The following FRMD6 variants were observed in gnomAD, a reference collection of about 807,000 sequenced individuals.
FRMD6 encodes the protein FERM domain containing 6, also known as FERM domain-containing protein 6.
In FRMD6, 37 loss-of-function variants were observed where a neutral mutation model predicts 73.2. The ratio of observed to expected loss-of-function variants is 0.51; its 90% confidence interval spans 0.39 to 0.66. FRMD6 has a LOEUF of 0.66. Among genes scored for constraint, FRMD6 ranks in the 30% least tolerant of loss-of-function variants. The pLI is 0.00. For synonymous variants in FRMD6, 273 were observed against 282.2 expected (o/e 0.97, Z 0.33); for missense variants, 714 against 780.5 (o/e 0.91, Z 1.02).
chr14:51,607,175 C>A (rs1206995282), intron 2 of FRMD6, among the ~76,000 whole-genome samples: 1 of 152,058 alleles, frequency 6.6e-6, no homozygotes, highest in Admixed American at 6.5e-5. Context: ...ATTCCTTAAC[C>A]CAGCCAAGTT....
intron 1 of FRMD6, among the ~76,000 whole-genome samples, chr14:51,555,295 T>C (rs1887065085): frequency 6.6e-6 from 1 of 152,210 alleles, no homozygotes; most frequent in African/African-American, 2.4e-5. Flanking sequence ...TTTCAAGTGA[T>C]AGCAGTTAGT....
rs1335969618 is a variant in FRMD6 at position 51,715,513 on chromosome 14, T to G, written c.1024+14T>G. 2.5e-6 allele frequency: 4 copies of G among 1,581,840 alleles called. No individual in the cohort carries two copies. Among genetic ancestry groups the G allele is most frequent in the Non-Finnish European group, 3.4e-6 (4 of 1,161,888 alleles). ...AGGAAAACGAAGGTATTGCAGGGTC[T>G]GGGGTGTGGAAGCAAATTGTACCTT... On this transcript the variant is annotated intron_variant, in intron 10 of 13. Transcript: ENST00000344768.
chr14:51,528,116 G>A (rs1289780170), intron 1 of FRMD6, among the ~76,000 whole-genome samples: 3 of 151,982 alleles, frequency 2.0e-5, no homozygotes, highest in African/African-American at 4.8e-5. Context: ...CACTCCAGCC[G>A]GGGTGACAGA....
chr14:51,678,086 C>T (rs1042306738), intron 1 of FRMD6, among the ~76,000 whole-genome samples: 91 of 152,284 alleles, frequency 6.0e-4, no homozygotes, highest in African/African-American at 2.1e-3. Context: ...ATAGTTAACA[C>T]TTATCTAGTG....
chr14:51,566,768 T>C (rs956030254), intron 1 of FRMD6, among the ~76,000 whole-genome samples: 5 of 152,238 alleles, frequency 3.3e-5, no homozygotes, highest in African/African-American at 1.2e-4. Context: ...GTTAAACTAT[T>C]TGTATGTGTT....
At chr14:51,549,837 C>T (rs1886706240) in intron 1 of FRMD6, among the ~76,000 whole-genome samples, 2 of 152,022 alleles carry the variant, frequency 1.3e-5, no homozygotes, top group South Asian at 2.1e-4. Flanking sequence ...CCTCGTGATC[C>T]GCCCGCCTCG....
chr14:51,404,995 T>C, the FRMD6 span, among the ~76,000 whole-genome samples: 8 of 152,178 alleles, frequency 5.3e-5, no homozygotes, highest in African/African-American at 1.9e-4. Flanking sequence ...TCTCATCATT[T>C]AGCTCCCACT....
chr14:51,434,049 T>G, the FRMD6 span, among the ~76,000 whole-genome samples: 8 of 152,092 alleles, frequency 5.3e-5, no homozygotes, highest in Non-Finnish European at 8.8e-5. Context: ...AAAAACATTG[T>G]GAATAATGAG....
At chr14:51,705,905 C>G (rs904461105) in intron 6 of FRMD6, among the ~76,000 whole-genome samples, 1 of 152,172 alleles carries the variant, frequency 6.6e-6, no homozygotes, top group African/African-American at 2.4e-5. Flanking sequence ...TGACACTTAA[C>G]TACTCACATC....
the FRMD6 span, among the ~76,000 whole-genome samples, chr14:51,468,313 G>C: frequency 6.9e-6 from 1 of 145,746 alleles, no homozygotes; most frequent in Non-Finnish European, 1.5e-5. Flanking sequence ...GAGGGGGAGG[G>C]GGAGGGAGAG....
rs371915919 is a variant in FRMD6, at chr14:51,628,877, CT to C, written c.-147+58484del. Among the ~76,000 whole-genome samples the C allele has an allele frequency of 6.7e-3, 640 of 95,252 alleles. 5 individuals are homozygous for C. The highest frequency in any genetic ancestry group is 0.025 in the African/African-American group (600 of 24,254). 62.5% of individuals were successfully genotyped at this position (95,252 alleles called of 152,430 possible). ...TGCATCTACCTTTTTCTTTTCTTTT[CT>C]TTTTTTTTTTTTTTTTGAGACGGAG... On this transcript the variant is annotated intron_variant, in intron 2 of 14. Coordinates refer to the FRMD6 transcript ENST00000356218.
intron 1 of FRMD6, among the ~76,000 whole-genome samples, chr14:51,552,995 T>C (rs1174384274): frequency 1.3e-5 from 2 of 152,140 alleles, no homozygotes; most frequent in Non-Finnish European, 2.9e-5. Context: ...GTAGGTAATG[T>C]CAGTTCAAAT....
At chr14:51,511,050 A>G (rs1350404067) in intron 1 of FRMD6, among the ~76,000 whole-genome samples, 1 of 151,822 alleles carries the variant, frequency 6.6e-6, no homozygotes, top group Non-Finnish European at 1.5e-5. Flanking sequence ...AAGCCATTTC[A>G]TTCACCTACA....
At chr14:51,682,344 T>C (rs1482265009) in intron 1 of FRMD6, among the ~76,000 whole-genome samples, 6 of 152,100 alleles carry the variant, frequency 3.9e-5, no homozygotes, top group African/African-American at 1.4e-4. Context: ...AGAGAAACTT[T>C]AAAACTTAGA....
intron 2 of FRMD6, among the ~76,000 whole-genome samples, chr14:51,610,637 G>T (rs969416561): frequency 8.1e-6 from 1 of 123,460 alleles, no homozygotes. Context: ...GTTTCCTAGG[G>T]TTCCATCATA....
chr14:51,558,476 C>CA (rs1237085920), intron 1 of FRMD6, among the ~76,000 whole-genome samples: 1 of 141,668 alleles, frequency 7.1e-6, no homozygotes, highest in Non-Finnish European at 1.5e-5. Context: ...AAAAAAAAAA[C>CA]AAAAAACAAA....
chr14:51,511,278 A>G (rs987720800), intron 1 of FRMD6, among the ~76,000 whole-genome samples: 1 of 152,236 alleles, frequency 6.6e-6, no homozygotes, highest in Non-Finnish European at 1.5e-5. Context: ...AAAAAGAAAG[A>G]TGGTGACTGA....
upstream of FRMD6, among the ~76,000 whole-genome samples, chr14:51,486,799 T>C (rs528208075): frequency 7.9e-4 from 121 of 152,348 alleles, no homozygotes; most frequent in Non-Finnish European, 1.1e-3. Context: ...TATGTTGTCA[T>C]ATCCCTAACG....
intron 1 of FRMD6, among the ~76,000 whole-genome samples, chr14:51,506,119 G>GTTCC (rs1883947642): frequency 6.6e-6 from 1 of 152,170 alleles, no homozygotes; most frequent in African/African-American, 2.4e-5. Flanking sequence ...AGGCTTTGGT[G>GTTCC]ACACTGCTTA....
Sources: gnomAD v4.1 joint callset for allele counts (sites outside exome capture counted in the v4.1 genomes callset) on GRCh38, gnomAD v4.1.1 for gene constraint, MANE v1.5 for transcripts, NCBI Gene and HGNC (gene_info 2026-07-23, HGNC 2026-07-21) for gene names.